Variants in ITGB4 observed in about 807,000 individuals in gnomAD.
ITGB4 encodes the protein integrin beta-4.
Under a neutral mutation model 207.6 loss-of-function variants are expected in ITGB4, and 159 were observed. That is an observed-to-expected ratio of 0.77 (90% CI 0.67 to 0.87). The LOEUF (loss-of-function observed/expected upper bound fraction) is 0.87, where lower values mean the gene tolerates loss of function less well. Among genes scored for constraint, ITGB4 ranks in the 40% least tolerant of loss-of-function variants. The pLI, the probability that ITGB4 is intolerant of heterozygous loss-of-function variation, is 0.00. For missense variants in ITGB4, 2,278 were observed against 2,546.8 expected, an observed-to-expected ratio of 0.89 and a Z score of 2.27; for synonymous variants, 1,020 against 1,062.7, an observed-to-expected ratio of 0.96 and a Z score of 0.78.
rs548339809 is a variant in ITGB4 at position 75,742,587 on chromosome 17, C to A, written c.2788C>A (p.Arg930=). The change falls in exon 25 of 40, where the codon CGG becomes AGG. Residue 930 remains arginine, a synonymous_variant. Transcript: ENST00000200181. The surrounding 1 kb of genome is among the most constrained non-coding windows in gnomAD (Gnocchi z 5.9). ...YYTLTADQDA[R]GMVEFQEGVE... is the part of the protein sequence containing the mutation. ...ACCTCCGAACCCCCACCCAGACGCC[C>A]GGGGCATGGTGGAGTTCCAGGAGGG... 2 of 1,613,924 alleles carry A rather than the reference C, an allele frequency of 1.2e-6. No individual in the cohort carries two copies. The highest frequency in any genetic ancestry group is 1.7e-5 in the Admixed American group (1 of 60,024).
rs371155233 is a variant in ITGB4 at position 75,750,090 on chromosome 17, G to A, written c.3317-21G>A. 28 of 1,613,354 alleles carry A rather than the reference G, an allele frequency of 1.7e-5. No individual in the cohort carries two copies. Among genetic ancestry groups the A allele is most frequent in the East Asian group, 2.2e-5 (1 of 44,876 alleles). On this transcript the variant is annotated intron_variant, in intron 27 of 39. Coordinates refer to ENST00000200181, the MANE Select transcript of ITGB4 (RefSeq NM_000213.5). This position sits in a 1 kb window ranked among gnomAD's most constrained non-coding sequence, Gnocchi z 5.5. ...TGAAGGGGGATCTGAGTGGTTGCCC[G>A]GCCCCAACCTGACCCGTTAGATGAA...
At chr17:75,755,114 T>C (rs1164457479) in intron 34 of ITGB4, 1 of 1,607,918 alleles carries the variant, frequency 6.2e-7, no homozygotes, top group Admixed American at 1.7e-5. Flanking sequence ...GGCCCTGGGG[T>C]CCCGGAGTCG....
At position 75,739,620 on chromosome 17, in the gene ITGB4, C is replaced by A; in HGVS notation, c.2221-52C>A. ...GGGCGGGGTGGCTGGAAGGGCTTACCTGGGCCAGGGCAGCTGTCTCAGGCC... is the reference window on the plus strand; with the variant it reads ...GGGCGGGGTGGCTGGAAGGGCTTACATGGGCCAGGGCAGCTGTCTCAGGCC... On this transcript the variant is annotated intron_variant, in intron 18 of 39. Coordinates refer to ENST00000200181, the MANE Select transcript of ITGB4 (RefSeq NM_000213.5). This position sits in a 1 kb window ranked among gnomAD's most constrained non-coding sequence, Gnocchi z 5.4. 6.2e-7 allele frequency: 1 copy of A among 1,611,434 alleles called. No homozygotes were observed. The highest frequency in any genetic ancestry group is 8.5e-7 in the Non-Finnish European group (1 of 1,177,862).
At chr17:75,752,940 T>C (rs542488567) in intron 32 of ITGB4, among the ~76,000 whole-genome samples, 29 of 152,172 alleles carry the variant, frequency 1.9e-4, no homozygotes, top group African/African-American at 7.0e-4. Flanking sequence ...CTGGCAGGGG[T>C]AGGGGAGCCA....
intron 26 of ITGB4, 68 bp downstream of exon 26, chr17:75,743,929 A>G: frequency 6.7e-7 from 1 of 1,496,894 alleles, no homozygotes; most frequent in Non-Finnish European, 9.0e-7. Flanking sequence ...TGGGTTCCCA[A>G]GACAAAGCAG....
chr17:75,753,220 C>A (rs1044425827), intron 32 of ITGB4, among the ~76,000 whole-genome samples: 1 of 152,244 alleles, frequency 6.6e-6, no homozygotes, highest in Non-Finnish European at 1.5e-5. Context: ...TCAAGCTGCC[C>A]CCGGTGAACA....
chr17:75,737,764 A>G, intron 18 of ITGB4, 120 bp downstream of exon 18: 2 of 845,074 alleles, frequency 2.4e-6, no homozygotes, highest in East Asian at 2.6e-5. Flanking sequence ...AGGGTCCCCA[A>G]CCCCTTCCTG....
chr17:75,754,487 G>T (rs2061440197), intron 33 of ITGB4, 89 bp from the exon 34 acceptor site: 2 of 1,554,474 alleles, frequency 1.3e-6, no homozygotes, highest in African/African-American at 1.4e-5. Context: ...CCAGAGGGTG[G>T]GTGACCAGGA....
rs757945420 is a variant in ITGB4 at position 75,739,941 on chromosome 17, C to G, written c.2316C>G (p.Asp772Glu). 3 of 1,613,360 alleles carry G rather than the reference C, an allele frequency of 1.9e-6. No individual in the cohort carries two copies. The highest frequency in any genetic ancestry group is 2.2e-5 in the East Asian group (1 of 44,876). ...YMLRENLMASDHLDTPMLRSG... is the reference protein window; with the variant it reads ...YMLRENLMASEHLDTPMLRSG... ...TGCGGGAGAACCTGATGGCCTCTGA[C>G]CACTTGGACACGCCCATGCTGCGCA... is the stretch of plus-strand genomic sequence containing the variant. The change falls in exon 20 of 40, where the codon GAC becomes GAG. Residue 772 changes from aspartate to glutamate, a missense_variant. By Grantham distance (45) the Asp-to-Glu change is conservative (BLOSUM62 2). Transcript: ENST00000200181. This position sits in a 1 kb window ranked among gnomAD's most constrained non-coding sequence, Gnocchi z 5.4.
intron 26 of ITGB4, among the ~76,000 whole-genome samples, chr17:75,747,603 A>G (rs1417173150): frequency 6.6e-6 from 1 of 152,148 alleles, no homozygotes; most frequent in Non-Finnish European, 1.5e-5. Flanking sequence ...TTTGGCATTG[A>G]CTTTTGTCAC....
rs1406169231 is a variant in ITGB4, at chr17:75,727,720, C to T, written c.334C>T (p.Pro112Ser). Residue 112 changes from proline to serine, a missense_variant, in exon 5 of 40, where the codon CCC (proline) becomes TCC (serine). Physicochemically the swap from Pro to Ser is moderately conservative, Grantham distance 74. Coordinates refer to ENST00000200181, the MANE Select transcript of ITGB4 (RefSeq NM_000213.5). The surrounding 1 kb of genome is among the most constrained non-coding windows in gnomAD (Gnocchi z 6.0). ...SPQGLRVRLR[P>S]GEERHFELEV... Reference sequence around the variant, plus strand: ...CCAAGGCCTGCGGGTCCGTCTGCGGCCCGGTGAGGAGCGGCATTTTGAGCT... The same window carrying T: ...CCAAGGCCTGCGGGTCCGTCTGCGGTCCGGTGAGGAGCGGCATTTTGAGCT... The T allele has an allele frequency of 1.9e-6, 3 of 1,613,596 alleles. No individual in the cohort carries two copies. In the Admixed American group the frequency reaches 5.0e-5, roughly 27 times the overall value.
At chr17:75,738,976 A>G (rs201354561) in intron 18 of ITGB4, among the ~76,000 whole-genome samples, 1 of 128,764 alleles carries the variant, frequency 7.8e-6, no homozygotes, top group Non-Finnish European at 1.6e-5. Context: ...ACTCAAAAAG[A>G]AAAAAAAAAA....
chr17:75,730,804 G>A (rs954637671), intron 8 of ITGB4, 71 bp from the exon 9 acceptor site: 21 of 1,394,706 alleles, frequency 1.5e-5, no homozygotes, highest in Non-Finnish European at 2.0e-6. Context: ...CATCCTCAAA[G>A]TGGGAAGAAT....
At chr17:75,723,189 G>T (rs1481089238) in intron 1 of ITGB4, among the ~76,000 whole-genome samples, 1 of 152,206 alleles carries the variant, frequency 6.6e-6, no homozygotes, top group Non-Finnish European at 1.5e-5. Context: ...GGATGGGGAA[G>T]TTCCACAGCC....
intron 8 of ITGB4, 112 bp from the exon 9 acceptor site, chr17:75,730,763 C>A: frequency 8.8e-7 from 1 of 1,136,366 alleles, no homozygotes; most frequent in Non-Finnish European, 1.3e-6. Context: ...GGCTCTGCGA[C>A]ACCACAGTAG....
Position 75,756,950 on chromosome 17 carries a change from C to T in ITGB4, c.5061C>T (p.Ala1687=), listed in dbSNP as rs2061524782. Residue 1687 remains alanine (A), a synonymous_variant, in exon 38 of 40, where the codon GCC becomes GCT. Transcript: ENST00000200181. ...GGCATCTTCCCTGCTCAGGGCCAGC[C>T]ACCGCATTCCGGGTGGATGGAGACA... ...TCEMAQGGGP[A]TAFRVDGDSP... The T allele has an allele frequency of 1.2e-6, 2 of 1,612,472 alleles. No homozygotes were observed. The highest frequency in any genetic ancestry group is 1.3e-5 in the African/African-American group (1 of 74,912).
In ITGB4 at chr17:75,754,629, C is replaced by T. The variant is rs2061444655; in HGVS notation, c.4372C>T (p.Leu1458=). 5 of 1,613,896 alleles carry T rather than the reference C, an allele frequency of 3.1e-6. No individual in the cohort carries two copies. Among genetic ancestry groups the T allele is most frequent in the Non-Finnish European group, 4.2e-6 (5 of 1,179,998 alleles). Residue 1458 remains leucine (L), a synonymous_variant, in exon 34 of 40, where the codon CTG becomes TTG. Coordinates refer to ENST00000200181, the MANE Select transcript of ITGB4 (RefSeq NM_000213.5). ...DFAFPGSTNS[L]HRMTTTSAAA... is the part of the protein sequence containing the mutation. ...TGCCTTCCCGGGCAGCACCAACTCCCTGCACAGGATGACCACGACCAGTGC... is the reference window on the plus strand; with the variant it reads ...TGCCTTCCCGGGCAGCACCAACTCCTTGCACAGGATGACCACGACCAGTGC...
At chr17:75,735,371 G>A (rs112934771) in intron 13 of ITGB4, among the ~76,000 whole-genome samples, 8,273 of 149,598 alleles carry the variant, frequency 0.055, 765 homozygotes, top group African/African-American at 0.19. Flanking sequence ...ACAGGTGTGA[G>A]CCACCACGCC....
chr17:75,725,457 C>G (rs183436499), intron 2 of ITGB4, among the ~76,000 whole-genome samples: 2 of 152,168 alleles, frequency 1.3e-5, no homozygotes, highest in African/African-American at 4.8e-5. Context: ...GGACCACAGG[C>G]ATGCACCACC....
Sources: gnomAD v4.1 joint callset for allele counts (sites outside exome capture counted in the v4.1 genomes callset) on GRCh38, gnomAD v4.1.1 for gene constraint, Gnocchi (gnomAD v3.1) non-coding constraint, MANE v1.5 for transcripts, NCBI Gene and HGNC (gene_info 2026-07-23, HGNC 2026-07-21) for gene names.